SLC39A11: variants seen among roughly 807,000 people sequenced by gnomAD.
SLC39A11 encodes zinc transporter ZIP11.
Under a neutral mutation model 36.1 loss-of-function variants are expected in SLC39A11, and 33 were observed. The ratio of observed to expected loss-of-function variants is 0.91; its 90% CI spans 0.69 to 1.22. SLC39A11 has a LOEUF of 1.22. SLC39A11 is among the 50% of genes most tolerant of loss of function. The pLI, the probability that SLC39A11 is intolerant of heterozygous loss-of-function variation, is 0.00. For missense variants in SLC39A11, 432 were observed against 430.3 expected, an observed-to-expected ratio of 1.00 and a Z score of -0.03; for synonymous variants, 166 against 170.3, an observed-to-expected ratio of 0.97 and a Z score of 0.20.
At position 72,736,675 on chromosome 17, in the gene SLC39A11, C is replaced by A; in HGVS notation, c.646G>T (p.Ala216Ser). The A allele has an allele frequency of 6.2e-7, 1 of 1,614,048 alleles. No individual in the cohort carries two copies. Among genetic ancestry groups the A allele is most frequent in the Non-Finnish European group, 8.5e-7 (1 of 1,179,958 alleles). Residue 216 changes from alanine to serine, a missense_variant, in exon 7 of 10, where the codon GCA (alanine) becomes TCA (serine). Ala to Ser is a moderately conservative substitution (Grantham distance 99, BLOSUM62 1). Transcript: ENST00000255559. The part of the protein sequence containing the change: ...GVGFGAIEKT[A>S]SATFESARNL... ...CTGGCACTCTCAAAGGTAGCAGATG[C>A]CGTCTTTTCTATAGCCCCAAATCCA...
chr17:72,985,478 T>C (rs944318848), intron 4 of SLC39A11, among the ~76,000 whole-genome samples: 1 of 131,628 alleles, frequency 7.6e-6, no homozygotes, highest in Non-Finnish European at 1.6e-5. Context: ...AGGGGCGCCA[T>C]CTCGGCTCAC....
intron 7 of SLC39A11, among the ~76,000 whole-genome samples, chr17:72,697,308 C>T (rs1452338572): frequency 3.9e-5 from 6 of 152,210 alleles, no homozygotes; most frequent in Non-Finnish European, 8.8e-5. Flanking sequence ...GTCTCGAACT[C>T]CTGAACTCAA....
intron 4 of SLC39A11, among the ~76,000 whole-genome samples, chr17:72,962,088 T>A (rs191895112): frequency 6.6e-6 from 1 of 152,298 alleles, no homozygotes; most frequent in African/African-American, 2.4e-5. Context: ...GCAGCTTGCT[T>A]CTAAGGGAAA....
At chr17:72,972,716 G>C (rs1425475361) in intron 4 of SLC39A11, among the ~76,000 whole-genome samples, 1 of 152,016 alleles carries the variant, frequency 6.6e-6, no homozygotes, top group Admixed American at 6.6e-5. Flanking sequence ...TCTCTTCCCA[G>C]ACTGTAGCAA....
At chr17:73,033,527 G>A (rs778533533) in intron 3 of SLC39A11, among the ~76,000 whole-genome samples, 4 of 152,142 alleles carry the variant, frequency 2.6e-5, no homozygotes, top group Non-Finnish European at 5.9e-5. Context: ...GGGGAGCCTT[G>A]AGCCCAGGAG....
intron 6 of SLC39A11, among the ~76,000 whole-genome samples, chr17:72,785,135 G>C (rs1373886663): frequency 6.6e-6 from 1 of 152,022 alleles, no homozygotes; most frequent in African/African-American, 2.4e-5. Context: ...CAAAGTGCTG[G>C]GATTACAGGC....
chr17:72,961,068 G>A (rs2086579039), intron 4 of SLC39A11, among the ~76,000 whole-genome samples: 1 of 152,206 alleles, frequency 6.6e-6, no homozygotes, highest in Non-Finnish European at 1.5e-5. Flanking sequence ...ATGAAAGAGC[G>A]AGCCTAAGAC....
intron 6 of SLC39A11, among the ~76,000 whole-genome samples, chr17:72,749,129 C>A (rs2075054190): frequency 6.6e-6 from 1 of 152,204 alleles, no homozygotes; most frequent in Non-Finnish European, 1.5e-5. Flanking sequence ...GTCAGAAGAG[C>A]TGCCATCTTG....
intron 6 of SLC39A11, among the ~76,000 whole-genome samples, chr17:72,745,924 A>C (rs965889881): frequency 1.2e-4 from 19 of 152,326 alleles, no homozygotes; most frequent in Admixed American, 1.0e-3. Flanking sequence ...AAAGGTGGAG[A>C]AATGACGAGT....
chr17:72,715,143 AG>A (rs917852619), intron 7 of SLC39A11, among the ~76,000 whole-genome samples: 2 of 152,202 alleles, frequency 1.3e-5, no homozygotes, highest in Non-Finnish European at 2.9e-5. Flanking sequence ...CAGCCACGAA[AG>A]GGGCCCCGGG....
chr17:73,050,297 T>A, intron 3 of SLC39A11, among the ~76,000 whole-genome samples: 1 of 125,370 alleles, frequency 8.0e-6, no homozygotes. Context: ...ATTCTTAAGG[T>A]CAGAACAAGT....
intron 6 of SLC39A11, among the ~76,000 whole-genome samples, chr17:72,773,870 G>A (rs963030705): frequency 7.9e-5 from 12 of 152,176 alleles, no homozygotes; most frequent in Admixed American, 1.3e-4. Flanking sequence ...GGGCTGAAGC[G>A]CGAAACACCA....
At chr17:72,710,156 T>C (rs16977337) in intron 7 of SLC39A11, among the ~76,000 whole-genome samples, 26,986 of 152,166 alleles carry the variant, frequency 0.18, 2,788 homozygotes, top group African/African-American at 0.26. Context: ...ACAGCCAGCA[T>C]GCTTTTCTAC....
Position 73,088,787 on chromosome 17 carries a change from G to A in SLC39A11, c.-11-12C>T, listed in dbSNP as rs753253024. ...CATGCTGGATACAGCTGTGCAAGAG[G>A]AGCGAGAGGGTCAGCCACCGGTGGT... On this transcript the variant is annotated splice_polypyrimidine_tract_variant and intron_variant, in intron 1 of 9. Coordinates refer to ENST00000255559, the MANE Select transcript of SLC39A11 (RefSeq NM_139177.4). The A allele has an allele frequency of 5.8e-5, 91 of 1,568,336 alleles. No individual in the cohort carries two copies. Among genetic ancestry groups the A allele is most frequent in the Non-Finnish European group, 7.1e-5 (82 of 1,153,172 alleles).
At chr17:72,931,734 A>G (rs898897244) in intron 5 of SLC39A11, among the ~76,000 whole-genome samples, 1 of 152,196 alleles carries the variant, frequency 6.6e-6, no homozygotes, top group African/African-American at 2.4e-5. Flanking sequence ...TTCCCTGACC[A>G]CTGGTCACCA....
intron 6 of SLC39A11, among the ~76,000 whole-genome samples, chr17:72,793,414 T>C (rs1276007613): frequency 6.6e-6 from 1 of 152,152 alleles, no homozygotes; most frequent in African/African-American, 2.4e-5. Flanking sequence ...TTGCTGTGTT[T>C]ACATGAATTG....
Position 72,868,618 on chromosome 17 carries a change from C to CAAAAAAAAAAAAAAA in SLC39A11, c.431-18829_431-18815dup, listed in dbSNP as rs71354894. 4.8e-4 allele frequency among the ~76,000 whole-genome samples: 27 copies of CAAAAAAAAAAAAAAA among 56,476 alleles called. 1 individual carries two copies. Among genetic ancestry groups the CAAAAAAAAAAAAAAA allele is most frequent in the Non-Finnish European group, 6.2e-4 (20 of 32,424 alleles). The allele number at this position is 56,476 out of a possible 152,430, so 37.1% of individuals were successfully genotyped here. On this transcript the variant is annotated intron_variant, in intron 5 of 9. Coordinates refer to ENST00000255559, the MANE Select transcript of SLC39A11 (RefSeq NM_139177.4). ...GCAATATAGTGAGCCCCTGTCTCTA[C>CAAAAAAAAAAAAAAA]AAAAAAAAAAAAAAAAAAAAAAAAA...
chr17:73,063,223 C>T (rs942048081), intron 3 of SLC39A11, among the ~76,000 whole-genome samples: 7 of 152,122 alleles, frequency 4.6e-5, no homozygotes, highest in South Asian at 2.1e-4. Context: ...ATGAATTTGA[C>T]GAAGGTAACT....
chr17:73,009,989 G>A (rs141621562), intron 4 of SLC39A11, among the ~76,000 whole-genome samples: 3 of 151,946 alleles, frequency 2.0e-5, no homozygotes, highest in African/African-American at 7.2e-5. Flanking sequence ...CAGGAGATGA[G>A]TAGGTTCTGG....
Sources: gnomAD v4.1 joint callset for allele counts (sites outside exome capture counted in the v4.1 genomes callset) on GRCh38, gnomAD v4.1.1 for gene constraint, MANE v1.5 for transcripts, NCBI Gene and HGNC (gene_info 2026-07-23, HGNC 2026-07-21) for gene names.